JAK1: variants seen among roughly 807,000 people sequenced by gnomAD.
JAK1 encodes the protein Janus kinase 1, also known as tyrosine-protein kinase JAK1.
In JAK1, 16 loss-of-function variants were observed where a neutral mutation model predicts 136.6. The observed-to-expected ratio is 0.12, with a 90% CI of 0.08 to 0.18. JAK1 has a LOEUF of 0.18. Ranked by LOEUF, JAK1 falls within the 10% of genes least tolerant of loss-of-function variation. The pLI is 1.00. For missense variants in JAK1, 859 were observed against 1,450.1 expected (o/e 0.59, Z 6.62); for synonymous variants, 492 against 519.5 (o/e 0.95, Z 0.72).
chr1:64,938,873 C>G (rs1459674272), intron 1 of JAK1, among the ~76,000 whole-genome samples: 1 of 152,162 alleles, frequency 6.6e-6, no homozygotes, highest in Non-Finnish European at 1.5e-5. Flanking sequence ...AAAACAGAAT[C>G]ACGGGTCTCT....
chr1:64,942,868 A>C (rs1288017487), intron 1 of JAK1, among the ~76,000 whole-genome samples: 1 of 151,990 alleles, frequency 6.6e-6, no homozygotes, highest in Non-Finnish European at 1.5e-5. Context: ...TTCTAAATAA[A>C]GTAACTGTCT....
intron 1 of JAK1, among the ~76,000 whole-genome samples, chr1:64,892,009 A>C (rs961718984): frequency 1.3e-5 from 2 of 152,266 alleles, no homozygotes; most frequent in African/African-American, 4.8e-5. Context: ...TTTTGATAAA[A>C]GTAAATACAG....
chr1:65,014,207 C>A (rs1314531357), intron 2 of JAK1, among the ~76,000 whole-genome samples: 1 of 151,904 alleles, frequency 6.6e-6, no homozygotes, highest in Non-Finnish European at 1.5e-5. Context: ...TTAATTAGAG[C>A]ACTAGAAGAC....
At chr1:64,922,126 T>C (rs1645504176) in intron 1 of JAK1, among the ~76,000 whole-genome samples, 1 of 148,366 alleles carries the variant, frequency 6.7e-6, no homozygotes, top group African/African-American at 2.6e-5. Flanking sequence ...GCTATTAGTT[T>C]CCTCATTTGA....
chr1:64,969,288 G>A (rs1056164476), upstream of JAK1, among the ~76,000 whole-genome samples: 2 of 151,796 alleles, frequency 1.3e-5, no homozygotes, highest in Non-Finnish European at 2.9e-5. Context: ...TTGACATTGT[G>A]GGCTGGAAAA....
chr1:64,951,769 C>T (rs1313940507), intron 1 of JAK1, among the ~76,000 whole-genome samples: 3 of 149,370 alleles, frequency 2.0e-5, no homozygotes, highest in Non-Finnish European at 4.4e-5. Flanking sequence ...CGCCATTCTC[C>T]TGCCTCAGCC....
chr1:65,018,497 C>CACACACAA (rs1553181623), intron 2 of JAK1, among the ~76,000 whole-genome samples: 15,471 of 151,162 alleles, frequency 0.1, 955 homozygotes, highest in East Asian at 0.27. Flanking sequence ...AACACACACA[C>CACACACAA]ACACACACAC....
At chr1:64,906,272 C>T (rs544418191) in intron 1 of JAK1, among the ~76,000 whole-genome samples, 1 of 146,774 alleles carries the variant, frequency 6.8e-6, no homozygotes, top group Non-Finnish European at 1.5e-5. Flanking sequence ...CCAGCCTGGG[C>T]AACAAAAGCA....
At chr1:65,036,252 G>A (rs1193631151) in intron 2 of JAK1, among the ~76,000 whole-genome samples, 3 of 152,100 alleles carry the variant, frequency 2.0e-5, no homozygotes, top group Non-Finnish European at 4.4e-5. Flanking sequence ...GGGCAAAATA[G>A]TGAAACCCCA....
intron 2 of JAK1, among the ~76,000 whole-genome samples, chr1:65,039,986 G>T (rs555064717): frequency 2.0e-5 from 3 of 152,118 alleles, no homozygotes; most frequent in Non-Finnish European, 4.4e-5. Context: ...AGGCTGCAGC[G>T]GGTGGATCAC....
chr1:64,907,471 A>G (rs1280406221), intron 1 of JAK1, among the ~76,000 whole-genome samples: 8 of 152,184 alleles, frequency 5.3e-5, no homozygotes, highest in South Asian at 2.1e-4. Context: ...GCCCAGGTTC[A>G]ATAAGACATA....
At chr1:64,900,876 C>T (rs1645094484) in intron 1 of JAK1, among the ~76,000 whole-genome samples, 1 of 152,174 alleles carries the variant, frequency 6.6e-6, no homozygotes, top group South Asian at 2.1e-4. Flanking sequence ...CCTGCAGTTC[C>T]TGTAATCCAG....
At chr1:64,836,033 A>ATCCCTC in intron 23 of JAK1, 65 bp downstream of exon 23, 1 of 854,818 alleles carries the variant, frequency 1.2e-6, no homozygotes, top group Non-Finnish European at 2.0e-6. Context: ...AAAGTTAACC[A>ATCCCTC]AGCAGAGGGA....
intron 1 of JAK1, among the ~76,000 whole-genome samples, chr1:64,900,623 C>T (rs1645090008): frequency 6.6e-6 from 1 of 152,100 alleles, no homozygotes; most frequent in African/African-American, 2.4e-5. Flanking sequence ...TTGTCTCTAC[C>T]CACTTATCTC....
intron 1 of JAK1, among the ~76,000 whole-genome samples, chr1:64,904,286 A>C (rs1325633250): frequency 1.3e-5 from 2 of 152,222 alleles, no homozygotes; most frequent in Admixed American, 1.3e-4. Context: ...ATCGCATTCA[A>C]TTTGAAGGTA....
chr1:64,916,170 C>T (rs576150419), intron 1 of JAK1, among the ~76,000 whole-genome samples: 1 of 152,190 alleles, frequency 6.6e-6, no homozygotes, highest in Admixed American at 6.5e-5. Flanking sequence ...CTAATGCAGA[C>T]ATGGAGATAG....
At position 64,867,219 on chromosome 1, in the gene JAK1, G is replaced by A. The variant is rs1656761918; in HGVS notation, c.648-11C>T. 1.3e-6 allele frequency: 2 copies of A among 1,559,132 alleles called. No individual in the cohort carries two copies. Among genetic ancestry groups the A allele is most frequent in the South Asian group, 1.1e-5 (1 of 87,060 alleles). ...ATATATCGCTTGTAGCTAAAAGACA[G>A]TAGAAAAGTACATCTCCTTTTCATG... On this transcript the variant is annotated splice_polypyrimidine_tract_variant and intron_variant, in intron 6 of 24. Transcript: ENST00000342505.
In JAK1 at chr1:64,862,984, C is replaced by T. The variant is rs902219030; in HGVS notation, c.1176+1803G>A. Among the ~76,000 whole-genome samples the T allele has an allele frequency of 4.6e-5, 7 of 151,848 alleles. No homozygotes were observed. In the South Asian group the frequency reaches 1.0e-3, roughly 23 times the overall value. ...CAAGATACAGGCACAGCATATAACACGGGGCCTAATATCCAGGATGCAGCA... is the reference window on the plus strand; with the variant it reads ...CAAGATACAGGCACAGCATATAACATGGGGCCTAATATCCAGGATGCAGCA... On this transcript the variant is annotated intron_variant, in intron 8 of 24. Coordinates refer to ENST00000342505, the MANE Select transcript of JAK1 (RefSeq NM_002227.4).
At chr1:65,065,107 C>T (rs1008044225) in intron 1 of JAK1, among the ~76,000 whole-genome samples, 2 of 152,164 alleles carry the variant, frequency 1.3e-5, no homozygotes, top group Non-Finnish European at 2.9e-5. Flanking sequence ...TTGATCTTTT[C>T]AAGGAGCTGG....
Sources: allele counts gnomAD v4.1 joint callset (sites outside exome capture counted in the v4.1 genomes callset), GRCh38; gene constraint gnomAD v4.1.1; transcripts MANE v1.5; gene names NCBI Gene and HGNC (gene_info 2026-07-23, HGNC 2026-07-21).